LPGAT1: variants seen among roughly 807,000 people sequenced by gnomAD.
LPGAT1 encodes acyl-CoA:lysophosphatidylglycerol acyltransferase 1.
LPGAT1 carries 11 observed loss-of-function variants against 47.5 expected under a neutral mutation model. The observed-to-expected ratio is 0.23, with a 90% CI of 0.15 to 0.38. The LOEUF is 0.38. LPGAT1 is among the 10% of genes least tolerant of loss of function. The pLI is 1.00. For synonymous variants in LPGAT1, 138 were observed against 144.2 expected (o/e 0.96, Z 0.31); for missense variants, 293 against 439.0 (o/e 0.67, Z 2.97).
At chr1:211,778,106 G>A (rs1257963730) in intron 6 of LPGAT1, among the ~76,000 whole-genome samples, 1 of 152,180 alleles carries the variant, frequency 6.6e-6, no homozygotes, top group Non-Finnish European at 1.5e-5. Flanking sequence ...ACTTTGGGAG[G>A]CCGACGCAGG....
chr1:211,746,444 T>C lies in LPGAT1; in HGVS notation c.*3455A>G, dbSNP rs1426233108. ...ATTTCACTACTCATTAACACAGTCA[T>C]AAATATATAGGCAAAAAACCCCTAA... On this transcript the variant is annotated 3_prime_UTR_variant, in exon 8 of 8. Coordinates refer to ENST00000366997, the MANE Select transcript of LPGAT1 (RefSeq NM_014873.3). 1.3e-5 allele frequency: 2 copies of C among 152,160 alleles called. No individual in the cohort carries two copies. The highest frequency in any genetic ancestry group is 4.8e-5 in the African/African-American group (2 of 41,406). The allele number at this position is 152,160 out of a possible 1,614,324, so 9.4% of individuals were successfully genotyped here. A position where few individuals can be genotyped will look rare whatever the true frequency, so the allele number is the denominator to read the frequency against.
intron 2 of LPGAT1, among the ~76,000 whole-genome samples, chr1:211,801,529 A>G (rs1659574242): frequency 6.6e-6 from 1 of 152,062 alleles, no homozygotes; most frequent in Non-Finnish European, 1.5e-5. Flanking sequence ...TGGGCGACAA[A>G]GCAAGACCTC....
chr1:211,753,555 T>C (rs1432087171), intron 6 of LPGAT1, among the ~76,000 whole-genome samples: 2 of 152,178 alleles, frequency 1.3e-5, no homozygotes, highest in African/African-American at 2.4e-5. Context: ...GTCTTTTTTA[T>C]AGTATGCTAT....
intron 6 of LPGAT1, among the ~76,000 whole-genome samples, chr1:211,758,366 T>C (rs1657551007): frequency 1.3e-5 from 2 of 152,226 alleles, no homozygotes; most frequent in African/African-American, 4.8e-5. Flanking sequence ...ACCTTTCCTA[T>C]GTTAACACTT....
In LPGAT1 at chr1:211,779,853, AAAATAAATAAATAAAT is replaced by A. The variant is rs56183480; in HGVS notation, c.728-825_728-810del. The stretch of plus-strand genomic sequence containing the variant: ...GGGCACAAGAGCAAAACTCCGTCTC[AAAATAAATAAATAAAT>A]AAATAAATAAATAAACATAAAAAAT... On this transcript the variant is annotated intron_variant, in intron 5 of 7. Coordinates refer to ENST00000366997, the MANE Select transcript of LPGAT1 (RefSeq NM_014873.3). Among the ~76,000 whole-genome samples the A allele has an allele frequency of 7.2e-3, 1,046 of 145,216 alleles. 15 individuals carry two copies. The highest frequency in any genetic ancestry group is 0.025 in the African/African-American group (976 of 38,768).
Position 211,829,116 on chromosome 1 carries a change from T to A in LPGAT1, c.181A>T (p.Met61Leu), listed in dbSNP as rs764012580. Residue 61 changes from methionine (M) to leucine (L), a missense_variant, in exon 2 of 8, where the codon ATG (methionine) becomes TTG (leucine). By Grantham distance (15) the Met-to-Leu change is conservative (BLOSUM62 2). Coordinates refer to ENST00000366997, the MANE Select transcript of LPGAT1 (RefSeq NM_014873.3). ...SKRFWYIEGI[M>L]YKWLLGMVAS... The stretch of plus-strand genomic sequence containing the variant: ...ACCATTCCTAAAAGCCATTTATACA[T>A]GATTCCTTCGATATACCAGAACCGC... The A allele has an allele frequency of 6.2e-6, 10 of 1,614,162 alleles. No individual in the cohort carries two copies. The highest frequency in any genetic ancestry group is 1.6e-4 in the Middle Eastern group (1 of 6,062).
chr1:211,760,144 C>T (rs1329070947), intron 6 of LPGAT1, among the ~76,000 whole-genome samples: 1 of 152,178 alleles, frequency 6.6e-6, no homozygotes, highest in Non-Finnish European at 1.5e-5. Flanking sequence ...CGTGGAAATC[C>T]ATCCATGAAG....
At chr1:211,767,099 T>C (rs1183053694) in intron 6 of LPGAT1, among the ~76,000 whole-genome samples, 1 of 152,172 alleles carries the variant, frequency 6.6e-6, no homozygotes, top group African/African-American at 2.4e-5. Context: ...AGACCACTTA[T>C]TTCATGTCTC....
At chr1:211,798,137 A>G (rs578079471) in intron 2 of LPGAT1, among the ~76,000 whole-genome samples, 1 of 152,290 alleles carries the variant, frequency 6.6e-6, no homozygotes, top group South Asian at 2.1e-4. Flanking sequence ...CAGAATTAAC[A>G]GAGAGAAGAA....
intron 2 of LPGAT1, 73 bp downstream of exon 2, chr1:211,828,986 T>G: frequency 6.7e-7 from 1 of 1,484,128 alleles, no homozygotes; most frequent in Non-Finnish European, 9.3e-7. Flanking sequence ...CAACCCAAAG[T>G]GTAATATACA....
At chr1:211,793,346 A>G in intron 2 of LPGAT1, 156 bp from the exon 3 acceptor site, 1 of 385,376 alleles carries the variant, frequency 2.6e-6, no homozygotes, top group South Asian at 5.8e-5. Flanking sequence ...TGCAAATCAG[A>G]ATGTTAATAT....
chr1:211,759,681 C>A (rs1350893680), intron 6 of LPGAT1, among the ~76,000 whole-genome samples: 1 of 152,160 alleles, frequency 6.6e-6, no homozygotes, highest in Non-Finnish European at 1.5e-5. Flanking sequence ...ATAGATTAAG[C>A]TACATCTCAC....
intron 2 of LPGAT1, among the ~76,000 whole-genome samples, chr1:211,827,515 G>A (rs1660575308): frequency 6.6e-6 from 1 of 152,124 alleles, no homozygotes; most frequent in African/African-American, 2.4e-5. Flanking sequence ...TTCATTTTAA[G>A]CAGAATGAAC....
At position 211,785,583 on chromosome 1, in the gene LPGAT1, C is replaced by T. The variant is rs572093782; in HGVS notation, c.453+2049G>A. Among the ~76,000 whole-genome samples the T allele has an allele frequency of 2.6e-5, 4 of 151,226 alleles. 1 individual carries two copies. Among genetic ancestry groups the T allele is most frequent in the African/African-American group, 7.3e-5 (3 of 41,144 alleles). ...AATTTTCAACTTTTATCTAAAAGTA[C>T]ACCGATAATCTAGTATAATTTAGCC... On this transcript the variant is annotated intron_variant, in intron 4 of 7. Transcript: ENST00000366997.
At chr1:211,822,777 C>CAAAAAAAA (rs11345690) in intron 2 of LPGAT1, among the ~76,000 whole-genome samples, 1 of 141,394 alleles carries the variant, frequency 7.1e-6, no homozygotes, top group African/African-American at 2.6e-5. Flanking sequence ...GACTTCATCT[C>CAAAAAAAA]AAAAAAAAAA....
chr1:211,813,013 A>C (rs184922167), intron 2 of LPGAT1, among the ~76,000 whole-genome samples: 26 of 152,334 alleles, frequency 1.7e-4, no homozygotes, highest in Admixed American at 1.1e-3. Context: ...ATTTACTTTC[A>C]TCAGATTCTG....
intron 6 of LPGAT1, among the ~76,000 whole-genome samples, chr1:211,760,613 A>C (rs922698741): frequency 6.6e-6 from 1 of 152,260 alleles, no homozygotes; most frequent in African/African-American, 2.4e-5. Flanking sequence ...GGTACAAAGC[A>C]GTACTAAAAA....
intron 6 of LPGAT1, among the ~76,000 whole-genome samples, chr1:211,777,054 T>C (rs1200751493): frequency 6.6e-6 from 1 of 152,234 alleles, no homozygotes; most frequent in African/African-American, 2.4e-5. Context: ...TTGTCCTTGT[T>C]TAAAATTTTT....
rs150161446 is a variant in LPGAT1, at chr1:211,807,593, A to C, written c.239-14403T>G. Among the ~76,000 whole-genome samples, 1,050 of 152,284 alleles carry C rather than the reference A, an allele frequency of 6.9e-3. 5 individuals carry two copies. Among genetic ancestry groups the C allele is most frequent in the Middle Eastern group, 0.014 (4 of 294 alleles). On this transcript the variant is annotated intron_variant, in intron 2 of 7. Transcript: ENST00000366997. The stretch of plus-strand genomic sequence containing the variant: ...AACAGAACAGAAAAGAGGATCCTGA[A>C]ATAGACTACGTAAGTATGGTCAAAT...
Sources: allele counts gnomAD v4.1 joint callset (sites outside exome capture counted in the v4.1 genomes callset), GRCh38; gene constraint gnomAD v4.1.1; transcripts MANE v1.5; gene names NCBI Gene and HGNC (gene_info 2026-07-23, HGNC 2026-07-21).